The following AP5M1 variants were observed in gnomAD, a reference collection of about 807,000 sequenced individuals.
The protein encoded by AP5M1 is adaptor related protein complex 5 subunit mu 1.
A neutral mutation model predicts 52.3 loss-of-function variants in AP5M1; 44 were observed. The ratio of observed to expected loss-of-function variants is 0.84; its 90% CI spans 0.66 to 1.08. AP5M1 has a LOEUF of 1.08. Among genes scored for constraint, AP5M1 ranks in the 50% least tolerant of loss-of-function variants. AP5M1 has a pLI of 0.00. For missense variants in AP5M1, 526 were observed against 568.4 expected (o/e 0.93, Z 0.76); for synonymous variants, 213 against 199.0 (o/e 1.07, Z -0.59).
At position 57,291,522 on chromosome 14, in the gene AP5M1, G is replaced by A. The variant is rs962918791; in HGVS notation, c.*2638G>A. 4.0e-5 allele frequency: 6 copies of A among 151,796 alleles called. No individual in the cohort carries two copies. Among genetic ancestry groups the A allele is most frequent in the Non-Finnish European group, 8.9e-5 (6 of 67,784 alleles). The allele number at this position is 151,796 out of a possible 1,614,324, so 9.4% of individuals were successfully genotyped here. ...TATAGTACTTAGGCAATACCCTTAC[G>A]GTGGTGGCAATTTTTTTTTAACTTT... On this transcript the variant is annotated 3_prime_UTR_variant, in exon 8 of 8. Transcript: ENST00000261558.
At chr14:57,275,152 C>T in intron 2 of AP5M1, 1 of 456,356 alleles carries the variant, frequency 2.2e-6, no homozygotes, top group Non-Finnish European at 3.9e-6. Context: ...ATTAGCTTAG[C>T]TGGGAACTTT....
At position 57,283,604 on chromosome 14, in the gene AP5M1, T is replaced by TTTTG. The variant is rs562319449; in HGVS notation, c.1293+394_1293+397dup. 1.3e-4 allele frequency among the ~76,000 whole-genome samples: 20 copies of TTTTG among 152,100 alleles called. 1 individual carries two copies. The highest frequency in any genetic ancestry group is 4.1e-4 in the South Asian group (2 of 4,820). ...CCAGATCTCTTTTAAACAAGGGTTT[T>TTTTG]TTTGTTTGTTTGTTTGTTTGTTTTT... On this transcript the variant is annotated intron_variant, in intron 6 of 7. Coordinates refer to ENST00000261558, the MANE Select transcript of AP5M1 (RefSeq NM_018229.4).
rs34911527 is a variant in AP5M1, at chr14:57,276,609, G to GT, written c.720+1736dup. On this transcript the variant is annotated intron_variant, in intron 2 of 7. Coordinates refer to ENST00000261558, the MANE Select transcript of AP5M1 (RefSeq NM_018229.4). ...GAAAATAGGAAAATTCACCAATTCT[G>GT]TTTTTTTTTTTTTTTTCATTCTGTA... Among the ~76,000 whole-genome samples, 560 of 128,322 alleles carry GT rather than the reference G, an allele frequency of 4.4e-3. 1 individual carries two copies. The highest frequency in any genetic ancestry group is 6.1e-3 in the Admixed American group (78 of 12,744). 84.2% of individuals were successfully genotyped at this position (128,322 alleles called of 152,430 possible).
chr14:57,270,684 A>T (rs1017766956), intron 1 of AP5M1, among the ~76,000 whole-genome samples: 1 of 152,186 alleles, frequency 6.6e-6, no homozygotes, highest in Non-Finnish European at 1.5e-5. Context: ...CGTACAAAGT[A>T]TCTCTCATTT....
rs746468821 is a variant in AP5M1, at chr14:57,280,435, G to A, written c.948+13G>A. Reference sequence around the variant, plus strand: ...CTACACTTCCCAGGTAACAACCCTAGAATAGTTGAGAGTTTGCTGATCTTT... The same window carrying A: ...CTACACTTCCCAGGTAACAACCCTAAAATAGTTGAGAGTTTGCTGATCTTT... On this transcript the variant is annotated intron_variant, in intron 3 of 7. Coordinates refer to ENST00000261558, the MANE Select transcript of AP5M1 (RefSeq NM_018229.4). 11 of 1,524,618 alleles carry A rather than the reference G, an allele frequency of 7.2e-6. No homozygotes were observed. 94.4% of individuals were successfully genotyped at this position (1,524,618 alleles called of 1,614,324 possible).
rs768694185 is a variant in AP5M1 at position 57,274,846 on chromosome 14, G to A, written c.677G>A (p.Gly226Asp). 1.9e-6 allele frequency: 3 copies of A among 1,614,166 alleles called. No homozygotes were observed. Among genetic ancestry groups the A allele is most frequent in the South Asian group, 1.1e-5 (1 of 91,090 alleles). Residue 226 changes from glycine (G) to aspartate (D), a missense_variant, in exon 2 of 8, where the codon GGT becomes GAT. Physicochemically the swap from Gly to Asp is moderately conservative, Grantham distance 94. Coordinates refer to ENST00000261558, the MANE Select transcript of AP5M1 (RefSeq NM_018229.4). ...AAATCCATGCAATATGATAAACAGG[G>A]TATAGCAGATACATGGCAAGTTGTT... ...KVKSMQYDKQ[G>D]IADTWQVVGT...
At chr14:57,287,784 G>A (rs939416946) in intron 7 of AP5M1, among the ~76,000 whole-genome samples, 1 of 152,004 alleles carries the variant, frequency 6.6e-6, no homozygotes, top group Non-Finnish European at 1.5e-5. Context: ...AAATAGTTTA[G>A]TAATAATAAT....
At position 57,269,261 on chromosome 14, in the gene AP5M1, T is replaced by C; in HGVS notation, c.-54T>C. ...TGTCTGAGAAAGCCGGTCTGCGCTG[T>C]TCCTCGGTGGCGACCTTAATTATGA... On this transcript the variant is annotated 5_prime_UTR_variant, in exon 1 of 8. Coordinates refer to ENST00000261558, the MANE Select transcript of AP5M1 (RefSeq NM_018229.4). 6.4e-7 allele frequency: 1 copy of C among 1,556,414 alleles called. No individual in the cohort carries two copies. The highest frequency in any genetic ancestry group is 8.9e-7 in the Non-Finnish European group (1 of 1,129,324).
rs1885457878 is a variant in AP5M1 at position 57,292,487 on chromosome 14, G to C, written c.*3603G>C. 1 of 151,824 alleles carries C rather than the reference G, an allele frequency of 6.6e-6. No individual in the cohort carries two copies. The highest frequency in any genetic ancestry group is 2.1e-4 in the South Asian group (1 of 4,830). 9.4% of individuals were successfully genotyped at this position (151,824 alleles called of 1,614,324 possible). On this transcript the variant is annotated 3_prime_UTR_variant, in exon 8 of 8. Coordinates refer to ENST00000261558, the MANE Select transcript of AP5M1 (RefSeq NM_018229.4). ...TATTTGAAGATGTAAAGTCCTGTCTGCTAAGTTAGAAAGTCAATTGAATAC... is the reference window on the plus strand; with the variant it reads ...TATTTGAAGATGTAAAGTCCTGTCTCCTAAGTTAGAAAGTCAATTGAATAC...
rs562250766 is a variant in AP5M1, at chr14:57,298,192, T to C, written c.*9308T>C. ...TTTACTAGAGTCAATCCTGATTTTG[T>C]TTGGCATAATGAGACCTGATATGCT... On this transcript the variant is annotated 3_prime_UTR_variant, in exon 8 of 8. Coordinates refer to ENST00000261558, the MANE Select transcript of AP5M1 (RefSeq NM_018229.4). 1.3e-5 allele frequency: 2 copies of C among 152,320 alleles called. No individual in the cohort carries two copies. The highest frequency in any genetic ancestry group is 4.1e-4 in the South Asian group (2 of 4,824). The allele number at this position is 152,320 out of a possible 1,614,324, so 9.4% of individuals were successfully genotyped here.
Position 57,269,399 on chromosome 14 carries a change from A to G in AP5M1, c.74+11A>G, listed in dbSNP as rs1426169266. 5 of 1,613,676 alleles carry G rather than the reference A, an allele frequency of 3.1e-6. No individual in the cohort carries two copies. The highest frequency in any genetic ancestry group is 3.3e-4 in the Middle Eastern group (2 of 6,080). ...CGTGAGATTCTCCAGGTAAATGCAA[A>G]TCTGAATCCTCAGGGATGATGGATC... On this transcript the variant is annotated intron_variant, in intron 1 of 7. Coordinates refer to ENST00000261558, the MANE Select transcript of AP5M1 (RefSeq NM_018229.4).
chr14:57,269,914 T>C (rs1196893349), intron 1 of AP5M1, among the ~76,000 whole-genome samples: 1 of 152,218 alleles, frequency 6.6e-6, no homozygotes, highest in African/African-American at 2.4e-5. Flanking sequence ...GTTCATGCCG[T>C]TCTCCTGCCT....
At position 57,292,882 on chromosome 14, in the gene AP5M1, T is replaced by C. The variant is rs1236536500; in HGVS notation, c.*3998T>C. The C allele has an allele frequency of 3.3e-5, 5 of 151,776 alleles. No homozygotes were observed. The highest frequency in any genetic ancestry group is 2.0e-4 in the Admixed American group (3 of 15,168). The allele number at this position is 151,776 out of a possible 1,614,324, so 9.4% of individuals were successfully genotyped here. ...CTTAAGACTAATGATTTCGAAGCTT[T>C]GTTAACTATTTCTTTTCTTGAGGCA... is the stretch of plus-strand genomic sequence containing the variant. On this transcript the variant is annotated 3_prime_UTR_variant, in exon 8 of 8. Coordinates refer to ENST00000261558, the MANE Select transcript of AP5M1 (RefSeq NM_018229.4).
In AP5M1 at chr14:57,293,957, C is replaced by T. The variant is rs1251406598; in HGVS notation, c.*5073C>T. On this transcript the variant is annotated 3_prime_UTR_variant, in exon 8 of 8. Transcript: ENST00000261558. ...CTCATGAGTTCCTTTGTGATTGAAA[C>T]AAAGTGATTAAAACTCTTATGACCT... 1 of 151,568 alleles carries T rather than the reference C, an allele frequency of 6.6e-6. No individual in the cohort carries two copies. The highest frequency in any genetic ancestry group is 1.5e-5 in the Non-Finnish European group (1 of 67,720). 9.4% of individuals were successfully genotyped at this position (151,568 alleles called of 1,614,324 possible).
Position 57,274,882 on chromosome 14 carries a change from C to G in AP5M1, c.713C>G (p.Thr238Ser). Residue 238 changes from threonine to serine, a missense_variant, in exon 2 of 8, where the codon ACT (threonine) becomes AGT (serine). Physicochemically the swap from Thr to Ser is moderately conservative, Grantham distance 58. Around this residue, in one of 3 missense-constraint regions of AP5M1, gnomAD observed 425 missense variants for 430.6 expected, o/e 0.99. Transcript: ENST00000261558. ...ADTWQVVGTVTCKCDLEGIMP... is the reference protein window; with the variant it reads ...ADTWQVVGTVSCKCDLEGIMP... ...ACATGGCAAGTTGTTGGAACAGTGA[C>G]TTGCAAGGTGAGATTTTTCTCTGGT... 6.2e-7 allele frequency: 1 copy of G among 1,614,094 alleles called. No individual in the cohort carries two copies. Among genetic ancestry groups the G allele is most frequent in the Non-Finnish European group, 8.5e-7 (1 of 1,179,996 alleles).
At chr14:57,288,041 C>G (rs1594708887) in intron 7 of AP5M1, among the ~76,000 whole-genome samples, 1 of 152,182 alleles carries the variant, frequency 6.6e-6, no homozygotes, top group East Asian at 1.9e-4. Flanking sequence ...AGTATGCTGT[C>G]TTGCCTCTCA....
chr14:57,271,290 A>G (rs1000805020), intron 1 of AP5M1: 1 of 152,250 alleles, frequency 6.6e-6, no homozygotes. Flanking sequence ...GTCTATGCCG[A>G]TTTTGACTAA....
chr14:57,280,142 A>C, intron 2 of AP5M1, 53 bp from the exon 3 acceptor site: 2 of 1,366,432 alleles, frequency 1.5e-6, no homozygotes, highest in South Asian at 1.2e-5. Flanking sequence ...AAAAGCCTCA[A>C]ACAGACATTT....
At position 57,269,357 on chromosome 14, in the gene AP5M1, A is replaced by G; in HGVS notation, c.43A>G (p.Thr15Ala). ...GTGGCTCATAAGCCACGAACCGGGAACTCCACTTTGTGGCACCGTGAGATT... is the reference window on the plus strand; with the variant it reads ...GTGGCTCATAAGCCACGAACCGGGAGCTCCACTTTGTGGCACCGTGAGATT... Reference protein sequence around the residue: ...AVWLISHEPGTPLCGTVRFSR... With the variant: ...AVWLISHEPGAPLCGTVRFSR... The change falls in exon 1 of 8, where the codon ACT becomes GCT. Residue 15 changes from threonine (T) to alanine (A), a missense_variant. Physicochemically the swap from Thr to Ala is moderately conservative, Grantham distance 58. Transcript: ENST00000261558. 1 of 1,614,068 alleles carries G rather than the reference A, an allele frequency of 6.2e-7. No individual in the cohort carries two copies. Among genetic ancestry groups the G allele is most frequent in the Non-Finnish European group, 8.5e-7 (1 of 1,180,004 alleles).
Sources: gnomAD v4.1 joint callset for allele counts (sites outside exome capture counted in the v4.1 genomes callset) on GRCh38, gnomAD v4.1.1 for gene constraint, gnomAD v4.1.1 regional missense constraint, MANE v1.5 for transcripts, NCBI Gene and HGNC (gene_info 2026-07-23, HGNC 2026-07-21) for gene names.